The following FAM13A variants were observed in gnomAD, a reference collection of about 807,000 sequenced individuals.
FAM13A encodes protein FAM13A.
A neutral mutation model predicts 129.6 loss-of-function variants in FAM13A; 76 were observed. The observed-to-expected ratio is 0.59, with a 90% CI of 0.49 to 0.71. The LOEUF is 0.71. FAM13A is among the 30% of genes least tolerant of loss of function. The pLI is 0.00. For missense variants in FAM13A, 1,108 were observed against 1,249.3 expected (o/e 0.89, Z 1.70); for synonymous variants, 443 against 449.9 (o/e 0.98, Z 0.20).
At chr4:88,967,764 G>T (rs1759538822) in intron 4 of FAM13A, among the ~76,000 whole-genome samples, 1 of 152,222 alleles carries the variant, frequency 6.6e-6, no homozygotes, top group African/African-American at 2.4e-5. Flanking sequence ...CAGCAGTTCA[G>T]TTATTCCCAC....
At chr4:89,041,358 A>C (rs964209700) in intron 1 of FAM13A, among the ~76,000 whole-genome samples, 1 of 152,210 alleles carries the variant, frequency 6.6e-6, no homozygotes. Flanking sequence ...AAATATGTAC[A>C]AACATTATGT....
At chr4:88,825,941 T>A (rs1233994427) in intron 7 of FAM13A, among the ~76,000 whole-genome samples, 2 of 152,164 alleles carry the variant, frequency 1.3e-5, no homozygotes, top group Admixed American at 1.3e-4. Context: ...GGGGGCATTA[T>A]TTGATAATTG....
At chr4:88,767,658 TC>T in intron 12 of FAM13A, 63 bp from the exon 13 acceptor site, 1 of 1,250,128 alleles carries the variant, frequency 8.0e-7, no homozygotes, top group Non-Finnish European at 1.1e-6. Context: ...ACGTTTTTCA[TC>T]CACTGATATT....
chr4:88,757,180 G>C (rs1743830184), intron 14 of FAM13A, among the ~76,000 whole-genome samples: 1 of 152,122 alleles, frequency 6.6e-6, no homozygotes, highest in South Asian at 2.1e-4. Context: ...ACTCTGAAGA[G>C]TATTCTCAGC....
At position 88,991,071 on chromosome 4, in the gene FAM13A, C is replaced by G; in HGVS notation, c.507G>C (p.Lys169Asn). The G allele has an allele frequency of 6.2e-7, 1 of 1,613,870 alleles. No homozygotes were observed. The highest frequency in any genetic ancestry group is 8.5e-7 in the Non-Finnish European group (1 of 1,179,784). ...ELPDTHYCLL[K>N]YLCQFLTKVA... is the part of the protein sequence containing the mutation. ...CTTTTGTCAAGAACTGGCAAAGGTA[C>G]TTGAGGAGGCAGTAGTGGGTGTCTG... Residue 169 changes from lysine (K) to asparagine (N), a missense_variant, in exon 4 of 24, where the codon AAG becomes AAC. By Grantham distance (94) the Lys-to-Asn change is moderately conservative (BLOSUM62 0). Coordinates refer to ENST00000264344, the MANE Select transcript of FAM13A (RefSeq NM_014883.4).
intron 1 of FAM13A, among the ~76,000 whole-genome samples, chr4:89,043,859 T>C (rs186308699): frequency 6.6e-6 from 1 of 152,008 alleles, no homozygotes; most frequent in African/African-American, 2.4e-5. Context: ...ATTGCTTGAG[T>C]CCAGAAGTTC....
intron 1 of FAM13A, among the ~76,000 whole-genome samples, chr4:89,031,640 T>C (rs1411678506): frequency 2.6e-5 from 4 of 152,230 alleles, no homozygotes; most frequent in African/African-American, 9.6e-5. Context: ...GAATTATTAT[T>C]CTGATTTCTT....
intron 7 of FAM13A, among the ~76,000 whole-genome samples, chr4:88,822,569 C>T (rs1318681688): frequency 6.6e-6 from 1 of 151,662 alleles, no homozygotes; most frequent in Non-Finnish European, 1.5e-5. Context: ...AGAGAAGAAT[C>T]TTGTGATGCA....
intron 7 of FAM13A, among the ~76,000 whole-genome samples, chr4:88,826,825 C>G (rs1490629964): frequency 6.6e-6 from 1 of 152,160 alleles, no homozygotes; most frequent in Non-Finnish European, 1.5e-5. Context: ...TGGATCTCAT[C>G]ATTTTCTCCT....
At chr4:88,776,112 T>TATTTAGA (rs1721658964) in intron 11 of FAM13A, among the ~76,000 whole-genome samples, 1 of 152,208 alleles carries the variant, frequency 6.6e-6, no homozygotes, top group Non-Finnish European at 1.5e-5. Flanking sequence ...TTAAATGTAA[T>TATTTAGA]ATTATAGAAT....
At chr4:88,800,412 C>T (rs968884637) in intron 8 of FAM13A, among the ~76,000 whole-genome samples, 8 of 152,232 alleles carry the variant, frequency 5.3e-5, no homozygotes, top group East Asian at 1.9e-4. Context: ...TGGCCAGGCG[C>T]GGTGGCTCGC....
intron 8 of FAM13A, among the ~76,000 whole-genome samples, chr4:88,790,967 A>C (rs1257747082): frequency 2.6e-5 from 4 of 152,102 alleles, no homozygotes; most frequent in Admixed American, 6.6e-5. Flanking sequence ...AATTGTGGCC[A>C]TGTGCCTTCC....
At chr4:88,757,092 T>C (rs1743805046) in intron 14 of FAM13A, among the ~76,000 whole-genome samples, 1 of 104,792 alleles carries the variant, frequency 9.5e-6, no homozygotes, top group Non-Finnish European at 2.6e-5. Flanking sequence ...AAATGCTGGT[T>C]CCTTCAATTA....
intron 11 of FAM13A, among the ~76,000 whole-genome samples, chr4:88,775,476 G>A (rs193210301): frequency 2.5e-3 from 379 of 152,278 alleles, no homozygotes; most frequent in African/African-American, 8.6e-3. Context: ...GGCTGAGGTG[G>A]GAGGATCATT....
At chr4:88,920,707 C>A (rs903302141) in intron 5 of FAM13A, among the ~76,000 whole-genome samples, 20 of 152,296 alleles carry the variant, frequency 1.3e-4, no homozygotes, top group African/African-American at 3.4e-4. Flanking sequence ...CGGAGAACAA[C>A]TTTGACGAGT....
chr4:88,834,958 C>CT (rs202008222), intron 7 of FAM13A, among the ~76,000 whole-genome samples: 19 of 151,732 alleles, frequency 1.3e-4, no homozygotes, highest in African/African-American at 1.9e-4. Flanking sequence ...TGCATTACAG[C>CT]TTTTTTTTTC....
At chr4:89,017,701 C>G (rs546663362) in intron 3 of FAM13A, among the ~76,000 whole-genome samples, 1 of 152,164 alleles carries the variant, frequency 6.6e-6, no homozygotes, top group African/African-American at 2.4e-5. Context: ...AATAATTTTC[C>G]AAACTTTATC....
Position 88,790,642 on chromosome 4 carries a change from C to T in FAM13A, c.1050-15G>A. On this transcript the variant is annotated splice_polypyrimidine_tract_variant and intron_variant, in intron 8 of 23. Coordinates refer to ENST00000264344, the MANE Select transcript of FAM13A (RefSeq NM_014883.4). ...GTACATGAGCACTGCAGAAAAGAAG[C>T]AAAGAGAAAGTCAGGTTAGATGAAA... The T allele has an allele frequency of 6.2e-7, 1 of 1,608,246 alleles. No homozygotes were observed. Among genetic ancestry groups the T allele is most frequent in the South Asian group, 1.1e-5 (1 of 90,380 alleles).
At chr4:88,800,512 C>T (rs557615876) in intron 8 of FAM13A, among the ~76,000 whole-genome samples, 1 of 151,994 alleles carries the variant, frequency 6.6e-6, no homozygotes, top group Non-Finnish European at 1.5e-5. Context: ...CAGTGAAACC[C>T]TGTCTCTACT....
Sources: allele counts gnomAD v4.1 joint callset (sites outside exome capture counted in the v4.1 genomes callset), GRCh38; gene constraint gnomAD v4.1.1; transcripts MANE v1.5; gene names NCBI Gene and HGNC (gene_info 2026-07-23, HGNC 2026-07-21).